Variants in FRAS1 observed in about 807,000 individuals in gnomAD.
The protein encoded by FRAS1 is extracellular matrix organizing protein FRAS1.
A neutral mutation model predicts 435.2 loss-of-function variants in FRAS1; 290 were observed. That is an observed-to-expected ratio of 0.67 (90% CI 0.61 to 0.73). The LOEUF is 0.73. Ranked by LOEUF, FRAS1 falls within the 30% of genes least tolerant of loss-of-function variation. The probability of loss-of-function intolerance (pLI) is 0.00; values close to 1 mark genes in which losing one functional copy is unlikely to be tolerated. For synonymous variants in FRAS1, 1,800 were observed against 1,851.0 expected (o/e 0.97, Z 0.71); for missense variants, 4,860 against 5,001.5 (o/e 0.97, Z 0.85).
At chr4:78,520,694 A>G (rs978585849) in intron 67 of FRAS1, among the ~76,000 whole-genome samples, 1 of 152,232 alleles carries the variant, frequency 6.6e-6, no homozygotes, top group South Asian at 2.1e-4. Context: ...AAAAAAATCT[A>G]TATGTTTAGT....
At chr4:78,240,936 C>A (rs1214830511) in intron 3 of FRAS1, among the ~76,000 whole-genome samples, 1 of 152,134 alleles carries the variant, frequency 6.6e-6, no homozygotes, top group Non-Finnish European at 1.5e-5. Context: ...TTTGTATTAA[C>A]CGTGTTGAGC....
rs748802308 is a variant in FRAS1 at position 78,478,069 on chromosome 4, G to T, written c.8098+8G>T. ...CACCTATTGAAAGAAAAGGTCTGTT[G>T]GTTCCACAGGTGACAAAGAGCTATA... On this transcript the variant is annotated splice_region_variant and intron_variant, in intron 55 of 73. Coordinates refer to ENST00000512123, the MANE Select transcript of FRAS1 (RefSeq NM_025074.7). The T allele has an allele frequency of 2.6e-6, 4 of 1,551,434 alleles. No homozygotes were observed. The highest frequency in any genetic ancestry group is 3.5e-6 in the Non-Finnish European group (4 of 1,146,248).
intron 49 of FRAS1, 126 bp downstream of exon 49, chr4:78,464,709 A>T (rs1193053228): frequency 5.1e-6 from 5 of 989,120 alleles, no homozygotes; most frequent in Admixed American, 2.8e-5. Flanking sequence ...GCATCCTTGA[A>T]GGATTAAAAT....
chr4:78,096,613 C>T (rs563815501), intron 2 of FRAS1, among the ~76,000 whole-genome samples: 42 of 152,348 alleles, frequency 2.8e-4, no homozygotes, highest in Non-Finnish European at 5.3e-4. Context: ...GGCTCAAAAC[C>T]ATGTGAAAGC....
chr4:78,416,173 G>C (rs1479037551), intron 32 of FRAS1, among the ~76,000 whole-genome samples: 2 of 152,150 alleles, frequency 1.3e-5, no homozygotes, highest in Non-Finnish European at 2.9e-5. Context: ...ATTATGATAA[G>C]TAAAATAAGC....
At chr4:78,130,769 A>C (rs546194407) in intron 2 of FRAS1, among the ~76,000 whole-genome samples, 1 of 152,334 alleles carries the variant, frequency 6.6e-6, no homozygotes, top group Admixed American at 6.5e-5. Flanking sequence ...TGGAACTAAG[A>C]GTTGAAAGGT....
Position 78,326,779 on chromosome 4 carries a change from G to A in FRAS1, c.2138-6493G>A, listed in dbSNP as rs62309889. 2.5e-3 allele frequency among the ~76,000 whole-genome samples: 384 copies of A among 152,234 alleles called. 2 individuals are homozygous for A. The highest frequency in any genetic ancestry group is 4.2e-3 in the Non-Finnish European group (289 of 68,020). On this transcript the variant is annotated intron_variant, in intron 18 of 73. Coordinates refer to ENST00000512123, the MANE Select transcript of FRAS1 (RefSeq NM_025074.7). ...GGGAAGCTTCAATATTTATGAGGTG[G>A]TTAGAGAAAGAGGCTGAAAGAAATT... is the stretch of plus-strand genomic sequence containing the variant.
chr4:78,384,352 G>A (rs946778231), intron 28 of FRAS1, among the ~76,000 whole-genome samples: 1 of 152,134 alleles, frequency 6.6e-6, no homozygotes, highest in Non-Finnish European at 1.5e-5. Context: ...CTAGTACTTA[G>A]TGTTATAGTC....
chr4:78,094,104 GTTTTTTTTTTTTTT>G (rs71214395), intron 2 of FRAS1, among the ~76,000 whole-genome samples: 2 of 106,616 alleles, frequency 1.9e-5, no homozygotes, highest in Non-Finnish European at 3.8e-5. Context: ...GAATAACCAA[GTTTTTTTTTTTTTT>G]TTTTTTTTTT....
At position 78,354,987 on chromosome 4, in the gene FRAS1, A is replaced by G. The variant is rs183206944; in HGVS notation, c.2423-8526A>G. Among the ~76,000 whole-genome samples, 355 of 152,312 alleles carry G rather than the reference A, an allele frequency of 2.3e-3. 3 individuals carry two copies. The highest frequency in any genetic ancestry group is 7.7e-3 in the African/African-American group (322 of 41,570). On this transcript the variant is annotated intron_variant, in intron 20 of 73. Transcript: ENST00000512123. ...CTTTGTGATTTGAAGAAAGCATCAC[A>G]TATTGATGACCACATGCAATTTCCT... is the stretch of plus-strand genomic sequence containing the variant.
chr4:78,115,665 A>G (rs1469686213), intron 2 of FRAS1, among the ~76,000 whole-genome samples: 1 of 152,068 alleles, frequency 6.6e-6, no homozygotes, highest in African/African-American at 2.4e-5. Context: ...TCTGTGGGAT[A>G]GGTGGTGATA....
chr4:78,278,046 G>A (rs7656032), intron 9 of FRAS1, among the ~76,000 whole-genome samples: 46,349 of 151,912 alleles, frequency 0.31, 7,412 homozygotes, highest in East Asian at 0.38. Flanking sequence ...TGATCCGCCC[G>A]CCTCGGCCTC....
At chr4:78,133,953 G>GTTTTTTTTTTTTTTTTTTTT (rs776528593) in intron 2 of FRAS1, among the ~76,000 whole-genome samples, 1 of 133,966 alleles carries the variant, frequency 7.5e-6, no homozygotes, top group African/African-American at 2.8e-5. Context: ...GATGGACTAG[G>GTTTTTTTTTTTTTTTTTTTT]TTTTTTTTTT....
At chr4:78,509,752 G>A (rs1378101225) in intron 63 of FRAS1, among the ~76,000 whole-genome samples, 2 of 152,196 alleles carry the variant, frequency 1.3e-5, no homozygotes, top group Non-Finnish European at 2.9e-5. Context: ...TGATAAAGCT[G>A]GTTCTCTTCC....
chr4:78,185,610 C>T (rs774998777), intron 2 of FRAS1, among the ~76,000 whole-genome samples: 4 of 152,154 alleles, frequency 2.6e-5, no homozygotes, highest in Admixed American at 1.3e-4. Context: ...TGTGACCAGA[C>T]GCCTTGCATT....
At chr4:78,143,475 C>G (rs1196225420) in intron 2 of FRAS1, among the ~76,000 whole-genome samples, 2 of 152,102 alleles carry the variant, frequency 1.3e-5, no homozygotes, top group Non-Finnish European at 2.9e-5. Flanking sequence ...TCAACTTGAT[C>G]TCATTGATGT....
intron 2 of FRAS1, among the ~76,000 whole-genome samples, chr4:78,197,889 C>T (rs532637036): frequency 2.0e-5 from 3 of 151,694 alleles, no homozygotes; most frequent in South Asian, 4.2e-4. Flanking sequence ...TGCAGTGAGC[C>T]GAGATTGAGC....
At chr4:78,459,073 C>T (rs1719290412) in intron 47 of FRAS1, among the ~76,000 whole-genome samples, 1 of 152,162 alleles carries the variant, frequency 6.6e-6, no homozygotes, top group Non-Finnish European at 1.5e-5. Flanking sequence ...GAGTGAGTGG[C>T]ATGTGTTTAA....
chr4:78,494,978 C>G (rs1720471072), intron 59 of FRAS1, among the ~76,000 whole-genome samples: 3 of 151,986 alleles, frequency 2.0e-5, no homozygotes, highest in Admixed American at 6.6e-5. Flanking sequence ...TTGCTATAAC[C>G]CTATATTCTC....
Sources: allele counts gnomAD v4.1 joint callset (sites outside exome capture counted in the v4.1 genomes callset), GRCh38; gene constraint gnomAD v4.1.1; transcripts MANE v1.5; gene names NCBI Gene and HGNC (gene_info 2026-07-23, HGNC 2026-07-21).